The following SLC25A26 variants were observed in gnomAD, a reference collection of about 807,000 sequenced individuals.
SLC25A26 encodes solute carrier family 25 member 26, also known as mitochondrial S-adenosylmethionine carrier protein.
Under a neutral mutation model 37.8 loss-of-function variants are expected in SLC25A26, and 36 were observed. The observed-to-expected ratio is 0.95, with a 90% CI of 0.73 to 1.26. The LOEUF is 1.26. SLC25A26 is among the 50% of genes most tolerant of loss of function. The probability of loss-of-function intolerance (pLI) is 0.00; values close to 1 mark genes in which losing one functional copy is unlikely to be tolerated. For synonymous variants in SLC25A26, 129 were observed against 122.5 expected (o/e 1.05, Z -0.35); for missense variants, 390 against 331.1 (o/e 1.18, Z -1.38).
intron 6 of SLC25A26, among the ~76,000 whole-genome samples, chr3:66,353,851 C>T (rs2076515762): frequency 6.6e-6 from 1 of 152,212 alleles, no homozygotes; most frequent in African/African-American, 2.4e-5. Context: ...TAACTCCCCA[C>T]AGGACGGTGC....
intron 5 of SLC25A26, among the ~76,000 whole-genome samples, chr3:66,268,034 T>C (rs902324382): frequency 1.1e-4 from 17 of 152,346 alleles, no homozygotes; most frequent in South Asian, 1.0e-3. Context: ...AGACACTCTA[T>C]CCTAGATCTT....
intron 3 of SLC25A26, among the ~76,000 whole-genome samples, chr3:66,254,245 A>G (rs1054759066): frequency 6.6e-6 from 1 of 152,222 alleles, no homozygotes; most frequent in Non-Finnish European, 1.5e-5. Context: ...ACACAAATGA[A>G]CTGTTGTAGA....
chr3:66,186,164 C>T (rs2070822559), intron 1 of SLC25A26, among the ~76,000 whole-genome samples: 2 of 152,050 alleles, frequency 1.3e-5, no homozygotes, highest in Admixed American at 1.3e-4. Context: ...TTAACCTAAA[C>T]CCGCGTGATA....
intron 5 of SLC25A26, among the ~76,000 whole-genome samples, chr3:66,294,800 A>G (rs2074841100): frequency 6.6e-6 from 1 of 152,188 alleles, no homozygotes; most frequent in Non-Finnish European, 1.5e-5. Flanking sequence ...ACTGATTACC[A>G]CACGTAATTG....
chr3:66,238,130 G>A (rs1429865149), intron 2 of SLC25A26, among the ~76,000 whole-genome samples: 6 of 152,112 alleles, frequency 3.9e-5, no homozygotes, highest in Admixed American at 2.0e-4. Flanking sequence ...AGGGGCATGG[G>A]TTCCCCAATT....
intron 5 of SLC25A26, among the ~76,000 whole-genome samples, chr3:66,300,041 C>T (rs967869008): frequency 6.6e-6 from 1 of 152,128 alleles, no homozygotes; most frequent in East Asian, 1.9e-4. Context: ...TTCTCCTTTG[C>T]TCTGGGAAGG....
upstream of SLC25A26, among the ~76,000 whole-genome samples, chr3:66,219,769 T>C (rs2071419316): frequency 1.3e-5 from 2 of 152,184 alleles, no homozygotes; most frequent in African/African-American, 4.8e-5. Flanking sequence ...CCATCACCTT[T>C]AGAGAGTACT....
intron 6 of SLC25A26, among the ~76,000 whole-genome samples, chr3:66,362,148 A>G (rs1041868290): frequency 3.9e-5 from 6 of 152,200 alleles, no homozygotes; most frequent in African/African-American, 1.2e-4. Context: ...AAAAAGTTAA[A>G]CATATAACTC....
At chr3:66,284,778 ATATT>A (rs1559655516) in intron 5 of SLC25A26, among the ~76,000 whole-genome samples, 1 of 152,198 alleles carries the variant, frequency 6.6e-6, no homozygotes, top group Non-Finnish European at 1.5e-5. Context: ...CAGCAAATAT[ATATT>A]TATATCCATC....
In SLC25A26 at chr3:66,221,028, A is replaced by G; in HGVS notation, c.-67A>G. ...ACCCGCCTCAAACATGGCGGCGCCC[A>G]GCGCGCGAGGACGTGATCCGCTTCT... is the stretch of plus-strand genomic sequence containing the variant. On this transcript the variant is annotated 5_prime_UTR_variant, in exon 1 of 10. Coordinates refer to ENST00000354883, the MANE Select transcript of SLC25A26 (RefSeq NM_001379210.1). 1.3e-6 allele frequency: 2 copies of G among 1,501,126 alleles called. No homozygotes were observed. The highest frequency in any genetic ancestry group is 1.8e-6 in the Non-Finnish European group (2 of 1,114,750). 93.0% of individuals were successfully genotyped at this position (1,501,126 alleles called of 1,614,324 possible).
At chr3:66,203,421 A>C (rs935686361) in intron 1 of SLC25A26, among the ~76,000 whole-genome samples, 132 of 152,256 alleles carry the variant, frequency 8.7e-4, no homozygotes, top group African/African-American at 3.0e-3. Flanking sequence ...AATTCAATTA[A>C]TAAATTACCC....
chr3:66,314,587 G>T (rs931710146), intron 5 of SLC25A26, among the ~76,000 whole-genome samples: 1 of 151,924 alleles, frequency 6.6e-6, no homozygotes, highest in Non-Finnish European at 1.5e-5. Context: ...GTTTTTTGTT[G>T]TTGTATGTCT....
chr3:66,149,660 G>A (rs2106687424), intron 1 of SLC25A26, among the ~76,000 whole-genome samples: 1 of 152,312 alleles, frequency 6.6e-6, no homozygotes, highest in African/African-American at 2.4e-5. Context: ...GAGGTACAGA[G>A]AGGTCAAGTA....
intron 3 of SLC25A26, among the ~76,000 whole-genome samples, chr3:66,250,252 T>C (rs900328119): frequency 6.6e-6 from 1 of 152,198 alleles, no homozygotes; most frequent in South Asian, 2.1e-4. Context: ...CCTTACCTAG[T>C]GATGTGGATT....
At chr3:66,135,224 T>C (rs1411506561) in intron 1 of SLC25A26, among the ~76,000 whole-genome samples, 1 of 152,240 alleles carries the variant, frequency 6.6e-6, no homozygotes, top group African/African-American at 2.4e-5. Context: ...TTATCAACTT[T>C]TAATTAACTT....
chr3:66,217,454 A>T (rs913346079), upstream of SLC25A26, among the ~76,000 whole-genome samples: 554 of 152,322 alleles, frequency 3.6e-3, 3 homozygotes, highest in East Asian at 0.017. Flanking sequence ...TATGACAAGC[A>T]CTGGACTAAA....
intron 1 of SLC25A26, among the ~76,000 whole-genome samples, chr3:66,191,946 C>G (rs1013929342): frequency 6.6e-6 from 1 of 151,648 alleles, no homozygotes; most frequent in East Asian, 1.9e-4. Context: ...AACCCCCAAT[C>G]TGATGGTATT....
At chr3:66,168,871 C>T (rs557948332) in intron 1 of SLC25A26, among the ~76,000 whole-genome samples, 4 of 152,302 alleles carry the variant, frequency 2.6e-5, no homozygotes, top group African/African-American at 7.2e-5. Flanking sequence ...CCTGTAATCC[C>T]AGCCCTTTGG....
intron 7 of SLC25A26, among the ~76,000 whole-genome samples, chr3:66,365,103 G>T (rs971542322): frequency 6.6e-6 from 1 of 152,206 alleles, no homozygotes; most frequent in African/African-American, 2.4e-5. Context: ...GCAACATGGT[G>T]CCTTACAGCA....
Sources: allele counts gnomAD v4.1 joint callset (sites outside exome capture counted in the v4.1 genomes callset), GRCh38; gene constraint gnomAD v4.1.1; transcripts MANE v1.5; gene names NCBI Gene and HGNC (gene_info 2026-07-23, HGNC 2026-07-21).